RAB44: variants seen among roughly 807,000 people sequenced by gnomAD.
RAB44 encodes the protein RAB44, member RAS oncogene family, also known as ras-related protein Rab-44.
A neutral mutation model predicts 93.3 loss-of-function variants in RAB44; 67 were observed. That is an observed-to-expected ratio of 0.72 (90% CI 0.59 to 0.88). The LOEUF (loss-of-function observed/expected upper bound fraction) is 0.88, where lower values mean the gene tolerates loss of function less well. RAB44 is among the 40% of genes least tolerant of loss of function. RAB44 has a pLI of 0.00. For missense variants in RAB44, 1,064 were observed against 1,261.7 expected, an observed-to-expected ratio of 0.84 and a Z score of 2.37; for synonymous variants, 427 against 520.3, an observed-to-expected ratio of 0.82 and a Z score of 2.44.
At chr6:36,723,525 C>T (rs1335888287) in intron 9 of RAB44, among the ~76,000 whole-genome samples, 1 of 152,068 alleles carries the variant, frequency 6.6e-6, no homozygotes, top group East Asian at 1.9e-4. Context: ...GCCACTGAAC[C>T]CTGTACAGAG....
At chr6:36,711,831 A>T (rs1481252279) in intron 2 of RAB44, among the ~76,000 whole-genome samples, 1 of 151,500 alleles carries the variant, frequency 6.6e-6, no homozygotes, top group Non-Finnish European at 1.5e-5. Flanking sequence ...TGAACCCAGG[A>T]AGTGGAGGTT....
chr6:36,723,825 A>G (rs1161441147), intron 9 of RAB44, among the ~76,000 whole-genome samples: 1 of 105,798 alleles, frequency 9.5e-6, no homozygotes, highest in African/African-American at 3.2e-5. Context: ...ACAGAGCAAG[A>G]TTCCGTCTCC....
chr6:36,718,075 T>C lies in RAB44; in HGVS notation c.689T>C (p.Met230Thr), dbSNP rs552441040. The C allele has an allele frequency of 4.1e-6, 5 of 1,231,980 alleles. No homozygotes were observed. Among genetic ancestry groups the C allele is most frequent in the African/African-American group, 3.1e-5 (2 of 64,436 alleles). 76.3% of individuals were successfully genotyped at this position (1,231,980 alleles called of 1,614,324 possible). Reference protein sequence around the residue: ...HREVQQLYEEMEQQIRQEKQQ... With the variant: ...HREVQQLYEETEQQIRQEKQQ... ...GAGGTCCAGCAGCTCTATGAGGAGA[T>C]GGAGCAGCAGATCCGCCAGGAGAAG... Residue 230 changes from methionine (M) to threonine (T), a missense_variant, in exon 6 of 14, where the codon ATG becomes ACG. Physicochemically the swap from Met to Thr is moderately conservative, Grantham distance 81. Coordinates refer to ENST00000612677, the MANE Select transcript of RAB44 (RefSeq NM_001257357.2).
At chr6:36,718,221 C>A in intron 6 of RAB44, 103 bp downstream of exon 6, 1 of 733,314 alleles carries the variant, frequency 1.4e-6, no homozygotes, top group Non-Finnish European at 1.9e-6. Context: ...CAGGAGGCTG[C>A]TGTAGTGAAT....
intron 7 of RAB44, among the ~76,000 whole-genome samples, chr6:36,719,833 G>A (rs1487934212): frequency 6.6e-6 from 1 of 152,220 alleles, no homozygotes; most frequent in Admixed American, 6.5e-5. Flanking sequence ...AAGCAGAGCT[G>A]TGGACTGGAA....
chr6:36,705,056 G>A (rs949928088), intron 2 of RAB44, among the ~76,000 whole-genome samples: 4 of 151,292 alleles, frequency 2.6e-5, no homozygotes, highest in Non-Finnish European at 5.9e-5. Context: ...AGGAAGTGGA[G>A]GTTGCAGTGA....
chr6:36,728,929 C>A, intron 12 of RAB44, 128 bp downstream of exon 12: 1 of 736,108 alleles, frequency 1.4e-6, no homozygotes, highest in Non-Finnish European at 2.3e-6. Flanking sequence ...GCCCCTGCCC[C>A]AACCAAAGGC....
chr6:36,704,333 T>G lies in RAB44; in HGVS notation c.98T>G (p.Val33Gly). The G allele has an allele frequency of 1.3e-6, 2 of 1,536,120 alleles. No homozygotes were observed. The highest frequency in any genetic ancestry group is 1.7e-6 in the Non-Finnish European group (2 of 1,146,902). ...CCAGCTGATGGTGAAGGCGCTGCAG[T>G]GGCCCCAGAGCCAGAGTCTTGGTCC... ...REPADGEGAA[V>G]APEPESWSSQ... The change falls in exon 2 of 14, where the codon GTG (valine) becomes GGG (glycine). Residue 33 changes from valine (V) to glycine (G), a missense_variant. Physicochemically the swap from Val to Gly is moderately radical, Grantham distance 109. Transcript: ENST00000612677.
At chr6:36,712,029 G>A (rs1449979646) in intron 2 of RAB44, among the ~76,000 whole-genome samples, 1 of 152,198 alleles carries the variant, frequency 6.6e-6, no homozygotes, top group Non-Finnish European at 1.5e-5. Flanking sequence ...CAGGCTGGGC[G>A]TGGTGGCTCA....
intron 8 of RAB44, among the ~76,000 whole-genome samples, chr6:36,720,856 GATCC>G (rs1427002108): frequency 9.8e-5 from 15 of 152,336 alleles, no homozygotes; most frequent in African/African-American, 3.1e-4. Flanking sequence ...TGCAGTGCTA[GATCC>G]CTAGCAGGCA....
Position 36,717,718 on chromosome 6 carries a change from C to T in RAB44, c.641+299C>T, listed in dbSNP as rs1490144587. On this transcript the variant is annotated intron_variant, in intron 5 of 13. Coordinates refer to ENST00000612677, the MANE Select transcript of RAB44 (RefSeq NM_001257357.2). This position sits in a 1 kb window ranked among gnomAD's most constrained non-coding sequence, Gnocchi z 4.1. ...TGACCCTGGAGTTGGGTTATAAGGG[C>T]AGGAGGACGGTGAAAGAGGGAGTGG... Among the ~76,000 whole-genome samples the T allele has an allele frequency of 1.3e-5, 1 of 78,886 alleles. No individual in the cohort carries two copies. The highest frequency in any genetic ancestry group is 3.5e-5 in the African/African-American group (1 of 28,620). The allele number at this position is 78,886 out of a possible 152,430, so 51.8% of individuals were successfully genotyped here.
intron 2 of RAB44, among the ~76,000 whole-genome samples, chr6:36,712,601 G>A (rs1762814571): frequency 6.6e-6 from 1 of 152,128 alleles, no homozygotes. Flanking sequence ...CTGACCTCAA[G>A]TGATCTGCCC....
chr6:36,717,340 G>A lies in RAB44; in HGVS notation c.562G>A (p.Ala188Thr). The change falls in exon 5 of 14, where the codon GCA becomes ACA. Residue 188 changes from alanine to threonine, a missense_variant. Coordinates refer to ENST00000612677, the MANE Select transcript of RAB44 (RefSeq NM_001257357.2). The surrounding 1 kb of genome is among the most constrained non-coding windows in gnomAD (Gnocchi z 4.1). ...GGAGCCCCAGCTGGCAGGCAACCTG[G>A]CAGGCTTTCTGGCCAAGATGACCAG... ...QEEPQLAGNL[A>T]GFLAKMTSRL... is the part of the protein sequence containing the mutation. The A allele has an allele frequency of 8.1e-7, 1 of 1,232,184 alleles. No homozygotes were observed. The highest frequency in any genetic ancestry group is 1.5e-5 in the African/African-American group (1 of 64,520). The allele number at this position is 1,232,184 out of a possible 1,614,324, so 76.3% of individuals were successfully genotyped here. A position where few individuals can be genotyped will look rare whatever the true frequency, so the allele number is the denominator to read the frequency against.
At chr6:36,719,265 C>T (rs896620119) in intron 7 of RAB44, among the ~76,000 whole-genome samples, 2 of 152,164 alleles carry the variant, frequency 1.3e-5, no homozygotes, top group Non-Finnish European at 2.9e-5. Flanking sequence ...TTCCTCGAGC[C>T]GTCCTCACCA....
rs894212630 is a variant in RAB44, at chr6:36,722,483, C to T, written c.2349C>T (p.His783=). 10 of 1,475,078 alleles carry T rather than the reference C, an allele frequency of 6.8e-6. No homozygotes were observed. The highest frequency in any genetic ancestry group is 1.4e-5 in the African/African-American group (1 of 71,064). The allele number at this position is 1,475,078 out of a possible 1,614,324, so 91.4% of individuals were successfully genotyped here. ...AQPRPSLTTA[H]AEEQGPPHSR... is the part of the protein sequence containing the mutation. ...CCAGGCCATCCCTCACGACTGCTCA[C>T]GCAGAAGAACAAGGCCCGCCTCACT... The change falls in exon 9 of 14, where the codon CAC becomes CAT. Residue 783 remains histidine, a synonymous_variant. Transcript: ENST00000612677.
rs1327386980 is a variant in RAB44 at position 36,715,576 on chromosome 6, G to A, written c.417G>A (p.Leu139=). The A allele has an allele frequency of 5.9e-6, 9 of 1,536,096 alleles. No homozygotes were observed. Among genetic ancestry groups the A allele is most frequent in the African/African-American group, 2.7e-5 (2 of 73,062 alleles). Residue 139 remains leucine (L), a synonymous_variant, in exon 4 of 14, where the codon CTG becomes CTA. Transcript: ENST00000612677. ...CTGCTACCACCAGCTTCCCAGCTCT[G>A]GAGGAGGCGGATGCTGAGGAGAAGG... The part of the protein sequence containing the change: ...RVSATTSFPA[L]EEADAEEKEA...
At chr6:36,727,462 G>A (rs925240772) in intron 10 of RAB44, 115 bp from the exon 11 acceptor site, 28 of 669,584 alleles carry the variant, frequency 4.2e-5, no homozygotes, top group South Asian at 3.6e-4. Context: ...AAAAGCATAC[G>A]GACATGCTCT....
In RAB44 at chr6:36,730,658, C is replaced by T; in HGVS notation, c.2899-15C>T. The T allele has an allele frequency of 1.6e-6, 2 of 1,233,242 alleles. No individual in the cohort carries two copies. The highest frequency in any genetic ancestry group is 8.2e-5 in the South Asian group (2 of 24,394). 76.4% of individuals were successfully genotyped at this position (1,233,242 alleles called of 1,614,324 possible). On this transcript the variant is annotated splice_polypyrimidine_tract_variant and intron_variant, in intron 12 of 13. Coordinates refer to ENST00000612677, the MANE Select transcript of RAB44 (RefSeq NM_001257357.2). Reference sequence around the variant, plus strand: ...TCTCCCAAGGCACATATGTCCCTCCCTGTCTGGCCTGCAGGAACTGGGGGT... The same window carrying T: ...TCTCCCAAGGCACATATGTCCCTCCTTGTCTGGCCTGCAGGAACTGGGGGT...
chr6:36,732,980 T>G lies in RAB44; in HGVS notation c.*887T>G, dbSNP rs1161602076. The G allele has an allele frequency of 1.3e-5, 2 of 152,174 alleles. No individual in the cohort carries two copies. Among genetic ancestry groups the G allele is most frequent in the Non-Finnish European group, 2.9e-5 (2 of 68,030 alleles). 9.4% of individuals were successfully genotyped at this position (152,174 alleles called of 1,614,324 possible). A position where few individuals can be genotyped will look rare whatever the true frequency, so the allele number is the denominator to read the frequency against. On this transcript the variant is annotated 3_prime_UTR_variant, in exon 14 of 14. Transcript: ENST00000612677. ...CGAGACTCAGAATCATTCACACACT[T>G]CTATTTGGAGCTTTTGTGGAAGTTT...
Sources: gnomAD v4.1 joint callset for allele counts (sites outside exome capture counted in the v4.1 genomes callset) on GRCh38, gnomAD v4.1.1 for gene constraint, Gnocchi (gnomAD v3.1) non-coding constraint, MANE v1.5 for transcripts, NCBI Gene and HGNC (gene_info 2026-07-23, HGNC 2026-07-21) for gene names.